XKR9: variants seen among roughly 807,000 people sequenced by gnomAD.
The protein encoded by XKR9 is XK-related protein 9.
Under a neutral mutation model 32.0 loss-of-function variants are expected in XKR9, and 32 were observed. The ratio of observed to expected loss-of-function variants is 1.00; its 90% CI spans 0.76 to 1.34. XKR9 has a LOEUF of 1.34. XKR9 is among the 40% of genes most tolerant of loss of function. The pLI is 0.00. For synonymous variants in XKR9, 168 were observed against 143.4 expected (o/e 1.17, Z -1.22); for missense variants, 546 against 429.7 (o/e 1.27, Z -2.39).
At chr8:70,948,187 C>G in the XKR9 span, among the ~76,000 whole-genome samples, 4 of 151,896 alleles carry the variant, frequency 2.6e-5, no homozygotes, top group African/African-American at 7.3e-5. Flanking sequence ...CAGCAAAAAC[C>G]GTAACATGAA....
chr8:71,005,322 G>A, the XKR9 span, among the ~76,000 whole-genome samples: 5 of 149,570 alleles, frequency 3.3e-5, no homozygotes, highest in East Asian at 2.0e-4. Flanking sequence ...TCCCAGGTTC[G>A]AGCAATTCTT....
the XKR9 span, among the ~76,000 whole-genome samples, chr8:70,979,357 T>C: frequency 6.6e-6 from 1 of 152,232 alleles, no homozygotes; most frequent in African/African-American, 2.4e-5. Context: ...CTCTGGTTTC[T>C]CTCCATCTTT....
At chr8:71,007,903 C>CA in the XKR9 span, among the ~76,000 whole-genome samples, 6 of 150,874 alleles carry the variant, frequency 4.0e-5, no homozygotes, top group Non-Finnish European at 7.4e-5. Flanking sequence ...TAAATAGAAG[C>CA]AAAAAAGCAT....
At chr8:70,980,471 C>T in the XKR9 span, among the ~76,000 whole-genome samples, 1 of 152,194 alleles carries the variant, frequency 6.6e-6, no homozygotes, top group African/African-American at 2.4e-5. Context: ...CTTTTGGTGT[C>T]CATTTGCATG....
At chr8:70,857,438 T>G in the XKR9 span, among the ~76,000 whole-genome samples, 1 of 152,194 alleles carries the variant, frequency 6.6e-6, no homozygotes, top group Non-Finnish European at 1.5e-5. Flanking sequence ...AAGTTGAATC[T>G]GAATAGACCA....
chr8:70,885,338 A>AT, the XKR9 span, among the ~76,000 whole-genome samples: 1 of 151,938 alleles, frequency 6.6e-6, no homozygotes, highest in African/African-American at 2.4e-5. Flanking sequence ...GGGTTGATTG[A>AT]TTTTCTGTTG....
intron 2 of XKR9, among the ~76,000 whole-genome samples, chr8:70,745,778 C>G (rs1807050289): frequency 6.6e-6 from 1 of 152,224 alleles, no homozygotes; most frequent in South Asian, 2.1e-4. Flanking sequence ...TGTATTGCTA[C>G]AAGCCAGGAG....
At chr8:70,926,918 A>G in the XKR9 span, among the ~76,000 whole-genome samples, 1 of 152,162 alleles carries the variant, frequency 6.6e-6, no homozygotes, top group Non-Finnish European at 1.5e-5. Flanking sequence ...AAGACTTCAC[A>G]TTCATATATA....
chr8:70,940,947 G>A, the XKR9 span, among the ~76,000 whole-genome samples: 1 of 152,016 alleles, frequency 6.6e-6, no homozygotes, highest in Non-Finnish European at 1.5e-5. Flanking sequence ...AGAACTATAG[G>A]TGCCATACAA....
At chr8:71,044,874 C>T in the XKR9 span, among the ~76,000 whole-genome samples, 1 of 152,186 alleles carries the variant, frequency 6.6e-6, no homozygotes, top group Middle Eastern at 3.2e-3. Flanking sequence ...CGTAGTTTAT[C>T]AGCTGAGCAA....
At chr8:70,701,944 G>A (rs1443606789) in intron 3 of XKR9, among the ~76,000 whole-genome samples, 1 of 152,048 alleles carries the variant, frequency 6.6e-6, no homozygotes, top group East Asian at 1.9e-4. Context: ...ATATATGAAA[G>A]GCATTTTAAT....
At chr8:70,846,970 A>G in the XKR9 span, among the ~76,000 whole-genome samples, 1 of 152,052 alleles carries the variant, frequency 6.6e-6, no homozygotes, top group Non-Finnish European at 1.5e-5. Flanking sequence ...TTGGATTTTA[A>G]CTGTACTTTA....
At chr8:70,736,524 A>C (rs1806866621), downstream of XKR9, among the ~76,000 whole-genome samples, 1 of 152,178 alleles carries the variant, frequency 6.6e-6, no homozygotes, top group Non-Finnish European at 1.5e-5. Context: ...TTGGTGTTTT[A>C]GACATGAATT....
At chr8:70,675,142 G>A (rs1236912394) in intron 2 of XKR9, among the ~76,000 whole-genome samples, 4 of 152,034 alleles carry the variant, frequency 2.6e-5, no homozygotes, top group South Asian at 2.1e-4. Context: ...TATAAGAAAC[G>A]AGGGCCAGGT....
At chr8:70,740,200 C>T (rs1038613603), downstream of XKR9, among the ~76,000 whole-genome samples, 17 of 152,104 alleles carry the variant, frequency 1.1e-4, no homozygotes, top group Admixed American at 7.9e-4. Context: ...CTTCCCTTCT[C>T]GCTTCATTTC....
the XKR9 span, among the ~76,000 whole-genome samples, chr8:70,870,946 ACCT>A: frequency 6.6e-6 from 1 of 151,988 alleles, no homozygotes; most frequent in Non-Finnish European, 1.5e-5. Flanking sequence ...AATTTGCAAA[ACCT>A]CCTGAAACTG....
chr8:70,853,083 A>G, the XKR9 span, among the ~76,000 whole-genome samples: 11 of 152,308 alleles, frequency 7.2e-5, no homozygotes, highest in African/African-American at 2.6e-4. Flanking sequence ...ATGTCATTCT[A>G]TAATAATTTG....
At chr8:70,833,310 T>C in the XKR9 span, among the ~76,000 whole-genome samples, 2 of 152,172 alleles carry the variant, frequency 1.3e-5, no homozygotes, top group African/African-American at 4.8e-5. Context: ...AATGAACAAA[T>C]AACAAAATGT....
chr8:70,692,730 C>T (rs1033575601), intron 3 of XKR9, among the ~76,000 whole-genome samples: 9 of 152,004 alleles, frequency 5.9e-5, no homozygotes, highest in East Asian at 3.9e-4. Context: ...AGGTGCCCAC[C>T]GCCACATCCA....
Sources: gnomAD v4.1 joint callset for allele counts (sites outside exome capture counted in the v4.1 genomes callset) on GRCh38, gnomAD v4.1.1 for gene constraint, MANE v1.5 for transcripts, NCBI Gene and HGNC (gene_info 2026-07-23, HGNC 2026-07-21) for gene names.